SH2D4B: variants seen among roughly 807,000 people sequenced by gnomAD.
The protein encoded by SH2D4B is SH2 domain containing 4B, also known as SH2 domain-containing protein 4B.
In SH2D4B, 45 loss-of-function variants were observed where a neutral mutation model predicts 61.5. The ratio of observed to expected loss-of-function variants is 0.73; its 90% CI spans 0.58 to 0.94. The LOEUF (loss-of-function observed/expected upper bound fraction) is 0.94, where lower values mean the gene tolerates loss of function less well. SH2D4B is among the 40% of genes least tolerant of loss of function. The pLI, the probability that SH2D4B is intolerant of heterozygous loss-of-function variation, is 0.00. For synonymous variants in SH2D4B, 224 were observed against 220.4 expected (o/e 1.02, Z -0.14); for missense variants, 572 against 574.2 (o/e 1.00, Z 0.04).
At chr10:80,573,874 G>A (rs1414101663) in intron 3 of SH2D4B, among the ~76,000 whole-genome samples, 3 of 151,808 alleles carry the variant, frequency 2.0e-5, no homozygotes, top group South Asian at 2.1e-4. Flanking sequence ...CAAAGACCTC[G>A]GTGATTTTCA....
At chr10:80,617,337 G>A (rs1442590822) in intron 6 of SH2D4B, among the ~76,000 whole-genome samples, 1 of 152,180 alleles carries the variant, frequency 6.6e-6, no homozygotes, top group African/African-American at 2.4e-5. Context: ...TCCTGAGGCC[G>A]GTGCCACCCT....
At chr10:80,631,627 A>T (rs1387239132) in intron 6 of SH2D4B, among the ~76,000 whole-genome samples, 2 of 152,264 alleles carry the variant, frequency 1.3e-5, no homozygotes, top group Non-Finnish European at 2.9e-5. Flanking sequence ...TTGGCCTTTA[A>T]AAAGAATGAA....
intron 6 of SH2D4B, among the ~76,000 whole-genome samples, chr10:80,628,148 T>C (rs12240681): frequency 0.031 from 4,642 of 152,156 alleles, 240 homozygotes; most frequent in African/African-American, 0.11. Flanking sequence ...AGACCCTCTG[T>C]AGTTGGCTGA....
At chr10:80,597,516 A>G (rs1842397586) in intron 4 of SH2D4B, among the ~76,000 whole-genome samples, 1 of 152,104 alleles carries the variant, frequency 6.6e-6, no homozygotes. Flanking sequence ...AAATACAAAA[A>G]TTAGCCAGGC....
intron 1 of SH2D4B, among the ~76,000 whole-genome samples, chr10:80,549,275 G>T (rs1183240953): frequency 6.6e-6 from 1 of 151,830 alleles, no homozygotes; most frequent in African/African-American, 2.4e-5. Context: ...TGGCGTTTGG[G>T]GCATGGAGAG....
At chr10:80,543,282 G>A (rs868224927) in intron 1 of SH2D4B, among the ~76,000 whole-genome samples, 1 of 152,236 alleles carries the variant, frequency 6.6e-6, no homozygotes, top group African/African-American at 2.4e-5. Flanking sequence ...AGGCGCCAGC[G>A]GGAACCGGGG....
chr10:80,605,244 T>TAC (rs1842505172), intron 5 of SH2D4B, among the ~76,000 whole-genome samples: 1 of 151,882 alleles, frequency 6.6e-6, no homozygotes, highest in Admixed American at 6.6e-5. Context: ...TAACTAGTTT[T>TAC]TAGAAGGCTT....
At chr10:80,586,264 C>G (rs554184512) in intron 3 of SH2D4B, among the ~76,000 whole-genome samples, 4 of 152,202 alleles carry the variant, frequency 2.6e-5, no homozygotes, top group African/African-American at 9.6e-5. Flanking sequence ...TGTGGGCGCA[C>G]GGCGTGGGAC....
chr10:80,543,129 C>G (rs1001790807), intron 1 of SH2D4B, among the ~76,000 whole-genome samples: 5 of 152,298 alleles, frequency 3.3e-5, no homozygotes, highest in East Asian at 1.9e-4. Context: ...CTCTCGCTCT[C>G]GGTGCCTCCT....
chr10:80,568,729 A>T (rs1215798520), intron 1 of SH2D4B, among the ~76,000 whole-genome samples: 1 of 152,160 alleles, frequency 6.6e-6, no homozygotes, highest in Non-Finnish European at 1.5e-5. Flanking sequence ...AACATCTCAA[A>T]TTTCTGTATT....
intron 1 of SH2D4B, among the ~76,000 whole-genome samples, chr10:80,548,625 G>T (rs187564162): frequency 5.3e-5 from 8 of 152,334 alleles, no homozygotes. Context: ...GTTTTTGGAA[G>T]AATTAAAAAT....
chr10:80,603,637 C>G lies in SH2D4B; in HGVS notation c.702C>G (p.Asp234Glu), dbSNP rs555708078. 1 of 1,598,666 alleles carries G rather than the reference C, an allele frequency of 6.3e-7. No homozygotes were observed. Among genetic ancestry groups the G allele is most frequent in the Non-Finnish European group, 8.5e-7 (1 of 1,173,368 alleles). ...GCCGCCGAGCCCAGCGCGCCCGGGA[C>G]GAGTACCGACACCACTCGCTCCGTG... Reference protein sequence around the residue: ...ERSRRAQRARDEYRHHSLRAI... With the variant: ...ERSRRAQRAREEYRHHSLRAI... The change falls in exon 5 of 8, where the codon GAC (aspartate) becomes GAG (glutamate). Residue 234 changes from aspartate to glutamate, a missense_variant. Transcript: ENST00000646907.
chr10:80,629,140 C>G (rs925737060), intron 6 of SH2D4B, among the ~76,000 whole-genome samples: 1 of 152,032 alleles, frequency 6.6e-6, no homozygotes, highest in Non-Finnish European at 1.5e-5. Context: ...GGAAATATGG[C>G]CCTAGCATCT....
chr10:80,601,874 C>T (rs2132138406), intron 4 of SH2D4B, among the ~76,000 whole-genome samples: 1 of 152,280 alleles, frequency 6.6e-6, no homozygotes, highest in Non-Finnish European at 1.5e-5. Flanking sequence ...AGATTTTACT[C>T]TGAGAAGAGA....
chr10:80,573,322 T>A (rs960485744), intron 3 of SH2D4B, among the ~76,000 whole-genome samples: 5 of 151,968 alleles, frequency 3.3e-5, no homozygotes, highest in Non-Finnish European at 7.4e-5. Flanking sequence ...TATTTTTTTC[T>A]TAAATTTGGT....
chr10:80,640,267 TG>T (rs1840267425), intron 7 of SH2D4B, among the ~76,000 whole-genome samples: 1 of 152,200 alleles, frequency 6.6e-6, no homozygotes, highest in Non-Finnish European at 1.5e-5. Context: ...TTATGTGTCT[TG>T]GGGTTGCTCT....
intron 7 of SH2D4B, among the ~76,000 whole-genome samples, chr10:80,641,760 G>C (rs1428068601): frequency 6.6e-6 from 1 of 152,234 alleles, no homozygotes; most frequent in Non-Finnish European, 1.5e-5. Context: ...CTAGACCAGA[G>C]ATCTCTGAAG....
At chr10:80,572,978 A>ATGTG (rs1564771986) in intron 3 of SH2D4B, among the ~76,000 whole-genome samples, 8 of 8,090 alleles carry the variant, frequency 9.9e-4, no homozygotes, top group Admixed American at 1.8e-3. Context: ...ATATATATAT[A>ATGTG]TATATATATT....
chr10:80,560,742 A>C (rs1841893735), intron 1 of SH2D4B, among the ~76,000 whole-genome samples: 2 of 135,010 alleles, frequency 1.5e-5, no homozygotes, highest in Admixed American at 1.6e-4. Flanking sequence ...AAGACAATTA[A>C]GCTCTGATAC....
Sources: allele counts gnomAD v4.1 joint callset (sites outside exome capture counted in the v4.1 genomes callset), GRCh38; gene constraint gnomAD v4.1.1; transcripts MANE v1.5; gene names NCBI Gene and HGNC (gene_info 2026-07-23, HGNC 2026-07-21).